ARHGAP15: variants seen among roughly 807,000 people sequenced by gnomAD.
ARHGAP15 encodes the protein Rho GTPase activating protein 15.
ARHGAP15 carries 51 observed loss-of-function variants against 63.7 expected under a neutral mutation model. That is an observed-to-expected ratio of 0.80 (90% CI 0.64 to 1.01). The LOEUF is 1.01. ARHGAP15 is among the 50% of genes least tolerant of loss of function. The pLI, the probability that ARHGAP15 is intolerant of heterozygous loss-of-function variation, is 0.00. For synonymous variants in ARHGAP15, 191 were observed against 193.8 expected, an observed-to-expected ratio of 0.99 and a Z score of 0.12; for missense variants, 560 against 564.6, an observed-to-expected ratio of 0.99 and a Z score of 0.08.
chr2:143,625,244 T>C (rs187957133), intron 12 of ARHGAP15, among the ~76,000 whole-genome samples: 20 of 152,214 alleles, frequency 1.3e-4, no homozygotes, highest in African/African-American at 4.1e-4. Context: ...GGAGGTCTGA[T>C]CTTGGATGGC....
intron 12 of ARHGAP15, among the ~76,000 whole-genome samples, chr2:143,655,309 T>A (rs143864797): frequency 2.4e-3 from 371 of 152,152 alleles, no homozygotes; most frequent in Non-Finnish European, 3.6e-3. Flanking sequence ...GCATCATTCT[T>A]AAGGGCAGCA....
Position 143,768,255 on chromosome 2 carries a change from A to ATTTT in ARHGAP15, c.*86_*89dup. 7.1e-7 allele frequency: 1 copy of ATTTT among 1,413,966 alleles called. No individual in the cohort carries two copies. 87.6% of individuals were successfully genotyped at this position (1,413,966 alleles called of 1,614,324 possible). ...ATTTCTGTAAACATATTTCTGAAAT[A>ATTTT]TTTTTTGCCTTTCAAGCGACAGATG... On this transcript the variant is annotated 3_prime_UTR_variant, in exon 14 of 14. Coordinates refer to ENST00000295095, the MANE Select transcript of ARHGAP15 (RefSeq NM_018460.4).
chr2:143,221,716 T>TATA (rs1693004865), intron 4 of ARHGAP15, among the ~76,000 whole-genome samples: 1 of 152,344 alleles, frequency 6.6e-6, no homozygotes, highest in African/African-American at 2.4e-5. Flanking sequence ...CATCAGCTCC[T>TATA]GTGTGGCTCT....
At chr2:143,486,996 T>G (rs1692355251) in intron 8 of ARHGAP15, among the ~76,000 whole-genome samples, 1 of 152,222 alleles carries the variant, frequency 6.6e-6, no homozygotes, top group Non-Finnish European at 1.5e-5. Context: ...TATAATCATA[T>G]TTAATTGAAA....
intron 6 of ARHGAP15, among the ~76,000 whole-genome samples, chr2:143,377,443 C>T (rs1411534485): frequency 6.6e-6 from 1 of 151,450 alleles, no homozygotes; most frequent in African/African-American, 2.4e-5. Context: ...TAATAATGCC[C>T]AAAGTGTCTA....
intron 6 of ARHGAP15, among the ~76,000 whole-genome samples, chr2:143,346,542 A>C (rs1685308790): frequency 6.6e-6 from 1 of 152,118 alleles, no homozygotes; most frequent in South Asian, 2.1e-4. Context: ...TGTTAGCTGC[A>C]GCATCAAGTA....
intron 11 of ARHGAP15, among the ~76,000 whole-genome samples, chr2:143,562,519 G>T (rs1315954966): frequency 1.3e-5 from 2 of 152,048 alleles, no homozygotes; most frequent in Admixed American, 6.5e-5. Context: ...TCTGTTATTC[G>T]CTTTATTCCA....
At chr2:143,199,734 G>T (rs141364004) in intron 2 of ARHGAP15, among the ~76,000 whole-genome samples, 3 of 152,092 alleles carry the variant, frequency 2.0e-5, no homozygotes, top group African/African-American at 4.8e-5. Flanking sequence ...TAGAAAAGAG[G>T]ATACAATTTT....
intron 1 of ARHGAP15, among the ~76,000 whole-genome samples, chr2:143,132,824 A>G (rs1418103594): frequency 5.3e-5 from 8 of 152,264 alleles, no homozygotes; most frequent in Admixed American, 4.6e-4. Flanking sequence ...AATTGTACAA[A>G]AATACAGTTT....
At chr2:143,490,650 T>G (rs1478986440) in intron 9 of ARHGAP15, among the ~76,000 whole-genome samples, 1 of 152,166 alleles carries the variant, frequency 6.6e-6, no homozygotes, top group Admixed American at 6.5e-5. Flanking sequence ...AGACAGAGGC[T>G]CACTCTGTCG....
chr2:143,255,498 C>A (rs1680373548), intron 6 of ARHGAP15, among the ~76,000 whole-genome samples: 1 of 151,982 alleles, frequency 6.6e-6, no homozygotes. Context: ...GTAATATTCT[C>A]CATGGATATG....
intron 6 of ARHGAP15, among the ~76,000 whole-genome samples, chr2:143,420,117 A>G (rs557280803): frequency 1.5e-4 from 23 of 152,300 alleles, no homozygotes; most frequent in East Asian, 9.6e-4. Flanking sequence ...CTGAAGTCTC[A>G]CTTACGGACA....
At chr2:143,233,819 A>G (rs532260037) in intron 5 of ARHGAP15, among the ~76,000 whole-genome samples, 14 of 151,978 alleles carry the variant, frequency 9.2e-5, no homozygotes, top group African/African-American at 2.4e-5. Context: ...TAATTTTGGT[A>G]TATTTAGTAG....
intron 6 of ARHGAP15, among the ~76,000 whole-genome samples, chr2:143,365,842 C>A (rs1448537984): frequency 6.6e-6 from 1 of 152,178 alleles, no homozygotes; most frequent in Non-Finnish European, 1.5e-5. Flanking sequence ...TTCCGAAGAT[C>A]AATGACAGAA....
At chr2:143,250,447 A>C (rs1680099506) in intron 5 of ARHGAP15, 64 bp from the exon 6 acceptor site, 2 of 1,289,428 alleles carry the variant, frequency 1.6e-6, no homozygotes, top group Admixed American at 1.8e-5. Flanking sequence ...ATAAACTCCT[A>C]TTTCTCTGAC....
intron 13 of ARHGAP15, among the ~76,000 whole-genome samples, chr2:143,761,563 G>A (rs773424003): frequency 3.9e-5 from 6 of 152,136 alleles, no homozygotes; most frequent in Admixed American, 6.6e-5. Context: ...TATTATTAAA[G>A]GCTTTGGTCT....
At chr2:143,717,241 T>C (rs1684848013) in intron 13 of ARHGAP15, among the ~76,000 whole-genome samples, 1 of 152,248 alleles carries the variant, frequency 6.6e-6, no homozygotes, top group Non-Finnish European at 1.5e-5. Context: ...GGCAAGCCCT[T>C]CAGGCAAGTT....
chr2:143,542,770 A>G (rs6734055), intron 10 of ARHGAP15, among the ~76,000 whole-genome samples: 7,662 of 51,404 alleles, frequency 0.15, 1,312 homozygotes, highest in African/African-American at 0.25. Context: ...CACATATATA[A>G]TATATATATG....
intron 13 of ARHGAP15, chr2:143,706,536 G>T (rs1005414794): frequency 2.0e-5 from 3 of 152,138 alleles, no homozygotes; most frequent in Non-Finnish European, 4.4e-5. Context: ...ACTCCTCAAA[G>T]CAGATCAGCT....
Sources: allele counts gnomAD v4.1 joint callset (sites outside exome capture counted in the v4.1 genomes callset), GRCh38; gene constraint gnomAD v4.1.1; transcripts MANE v1.5; gene names NCBI Gene and HGNC (gene_info 2026-07-23, HGNC 2026-07-21).